Variants in MPHOSPH9 observed in about 807,000 individuals in gnomAD.
MPHOSPH9 encodes M-phase phosphoprotein 9.
In MPHOSPH9, 88 loss-of-function variants were observed where a neutral mutation model predicts 145.5. The observed-to-expected ratio is 0.60, with a 90% CI of 0.51 to 0.72. The LOEUF is 0.72. Ranked by LOEUF, MPHOSPH9 falls within the 30% of genes least tolerant of loss-of-function variation. MPHOSPH9 has a pLI of 0.00. For missense variants in MPHOSPH9, 1,238 were observed against 1,386.6 expected, an observed-to-expected ratio of 0.89 and a Z score of 1.70; for synonymous variants, 435 against 486.2, an observed-to-expected ratio of 0.89 and a Z score of 1.39.
rs921233301 is a variant in MPHOSPH9, at chr12:123,202,631, A to G, written c.1774T>C (p.Leu592=). The G allele has an allele frequency of 1.9e-6, 3 of 1,612,054 alleles. No individual in the cohort carries two copies. The highest frequency in any genetic ancestry group is 2.5e-6 in the Non-Finnish European group (3 of 1,178,428). Reference sequence around the variant, plus strand: ...ATTCACTGAAATACATACTTAGACAATATCACAGGATCTTCCAAGGAAGTC... The same window carrying G: ...ATTCACTGAAATACATACTTAGACAGTATCACAGGATCTTCCAAGGAAGTC... ...SLTSLEDPVI[L]SKIRQNLKEK... is the part of the protein sequence containing the mutation. Residue 592 remains leucine (L), a synonymous_variant, in exon 10 of 24, where the codon TTG becomes CTG. Coordinates refer to ENST00000606320, the MANE Select transcript of MPHOSPH9 (RefSeq NM_022782.4).
rs756670323 is a variant in MPHOSPH9 at position 123,221,774 on chromosome 12, GA to G, written c.469del (p.Ser157LeufsTer2). 3 of 1,613,164 alleles carry G rather than the reference GA, an allele frequency of 1.9e-6. No individual in the cohort carries two copies. Among genetic ancestry groups the G allele is most frequent in the Admixed American group, 1.7e-5 (1 of 59,800 alleles). ...AGATTCATTTCTCTCACTGCTTAGA[GA>G]AAAAAAACCCATTTGACTTTCCGAA... ...VSSESQMGFF[S>X]LSSERNESVI... is the part of the protein sequence containing the mutation. On this transcript the variant is annotated frameshift_variant, in exon 5 of 24. Transcript: ENST00000606320. LOFTEE classifies it high-confidence loss of function.
At chr12:123,214,494 A>G (rs1369237676) in intron 7 of MPHOSPH9, among the ~76,000 whole-genome samples, 1 of 152,172 alleles carries the variant, frequency 6.6e-6, no homozygotes, top group Non-Finnish European at 1.5e-5. Context: ...CTGTGATCGC[A>G]CCACTGCACC....
intron 11 of MPHOSPH9, among the ~76,000 whole-genome samples, chr12:123,199,666 G>A (rs565811128): frequency 6.6e-5 from 10 of 151,966 alleles, no homozygotes; most frequent in African/African-American, 2.2e-4. Flanking sequence ...GGTGGCGGGC[G>A]CCTGTAGTCC....
Position 123,214,747 on chromosome 12 carries a change from T to C in MPHOSPH9, c.1084A>G (p.Thr362Ala). The C allele has an allele frequency of 1.9e-6, 3 of 1,607,502 alleles. No homozygotes were observed. The highest frequency in any genetic ancestry group is 2.6e-6 in the Non-Finnish European group (3 of 1,174,054). ...AATAAAAATGTAAGTATCATACCTG[T>C]TCCTGAATCAGACATCCAAGCATTT... The part of the protein sequence containing the change: ...TPNAWMSDSG[T>A]GLTYWKLEEK... Residue 362 changes from threonine to alanine, a missense_variant, in exon 7 of 24, where the codon ACA becomes GCA. This residue lies in a region of MPHOSPH9 where 837 missense variants were observed against 897.5 expected (regional missense o/e 0.93). Transcript: ENST00000606320.
intron 3 of MPHOSPH9, among the ~76,000 whole-genome samples, chr12:123,223,382 A>T (rs1225708947): frequency 6.6e-6 from 1 of 152,122 alleles, no homozygotes; most frequent in African/African-American, 2.4e-5. Context: ...CAACATCAGG[A>T]AGTGGCTATG....
intron 10 of MPHOSPH9, 27 bp downstream of exon 10, chr12:123,202,597 T>A (rs2046268598): frequency 6.4e-7 from 1 of 1,573,734 alleles, no homozygotes; most frequent in Non-Finnish European, 8.7e-7. Flanking sequence ...TCTATTAACA[T>A]TACAAGCCAT....
intron 23 of MPHOSPH9, 197 bp downstream of exon 23, chr12:123,160,584 C>T (rs1303851280): frequency 1.9e-6 from 1 of 533,556 alleles, no homozygotes; most frequent in East Asian, 3.0e-5. Flanking sequence ...AAGGTAAAAT[C>T]AATTTTTATT....
chr12:123,163,954 A>G lies in MPHOSPH9; in HGVS notation c.2904T>C (p.Thr968=). Reference sequence around the variant, plus strand: ...ATGTACACATCTAACTCTTACTTGGAGTACTTGATTTACGATTTGAAGGTG... The same window carrying G: ...ATGTACACATCTAACTCTTACTTGGGGTACTTGATTTACGATTTGAAGGTG... ...SLPPSNRKSS[T]PTKREIMLTP... The change falls in exon 19 of 24, where the codon ACT becomes ACC. Residue 968 remains threonine (T), a synonymous_variant. Transcript: ENST00000606320. The G allele has an allele frequency of 6.2e-7, 1 of 1,614,108 alleles. No homozygotes were observed. The highest frequency in any genetic ancestry group is 1.3e-5 in the African/African-American group (1 of 75,044).
At chr12:123,165,519 T>C (rs774267452) in intron 17 of MPHOSPH9, 42 bp from the exon 18 acceptor site, 8 of 1,550,848 alleles carry the variant, frequency 5.2e-6, no homozygotes, top group East Asian at 4.5e-5. Flanking sequence ...ATGGACTAAA[T>C]GTCTGTATCT....
chr12:123,196,186 C>A (rs2045936359), intron 12 of MPHOSPH9, among the ~76,000 whole-genome samples: 2 of 152,094 alleles, frequency 1.3e-5, no homozygotes, highest in Admixed American at 6.6e-5. Context: ...CCCATCTCTA[C>A]TAAAAATACA....
chr12:123,177,620 C>T (rs937730437), intron 15 of MPHOSPH9, among the ~76,000 whole-genome samples: 2 of 152,026 alleles, frequency 1.3e-5, no homozygotes, highest in African/African-American at 4.8e-5. Context: ...TACAAAGGAA[C>T]ATTTCCCATA....
At chr12:123,183,308 G>T (rs1288028382) in intron 13 of MPHOSPH9, among the ~76,000 whole-genome samples, 3 of 151,906 alleles carry the variant, frequency 2.0e-5, no homozygotes, top group Non-Finnish European at 2.9e-5. Context: ...AGCACTTTGG[G>T]AGGCCGAGGC....
rs2043844283 is a variant in MPHOSPH9 at position 123,155,609 on chromosome 12, T to G, written c.*1198A>C. ...TCAACATGTACCGAGCTGGAATATG[T>G]GGGGCACTGCGTTCTGATTGGCTAC... is the stretch of plus-strand genomic sequence containing the variant. On this transcript the variant is annotated 3_prime_UTR_variant, in exon 24 of 24. Coordinates refer to ENST00000606320, the MANE Select transcript of MPHOSPH9 (RefSeq NM_022782.4). The G allele has an allele frequency of 6.6e-6, 1 of 152,220 alleles. No homozygotes were observed. The highest frequency in any genetic ancestry group is 2.4e-5 in the African/African-American group (1 of 41,444). The allele number at this position is 152,220 out of a possible 1,614,324, so 9.4% of individuals were successfully genotyped here. A position where few individuals can be genotyped will look rare whatever the true frequency, so the allele number is the denominator to read the frequency against.
chr12:123,219,906 G>A (rs1211643676), intron 5 of MPHOSPH9, among the ~76,000 whole-genome samples: 1 of 152,074 alleles, frequency 6.6e-6, no homozygotes, highest in East Asian at 1.9e-4. Flanking sequence ...ATTCAGGCTG[G>A]GTGCAGTGGT....
At chr12:123,152,387 G>C (rs1016580261), downstream of MPHOSPH9, 10 of 340,040 alleles carry the variant, frequency 2.9e-5, no homozygotes, top group Non-Finnish European at 4.7e-5. Flanking sequence ...CCCTGCTCCC[G>C]CGGAGCTTAC....
At chr12:123,196,230 A>G (rs2045938734) in intron 12 of MPHOSPH9, among the ~76,000 whole-genome samples, 1 of 151,952 alleles carries the variant, frequency 6.6e-6, no homozygotes, top group African/African-American at 2.4e-5. Flanking sequence ...GGCACCTGTA[A>G]TCCCAGCTAT....
chr12:123,199,633 A>C lies in MPHOSPH9; in HGVS notation c.1938-1299T>G, dbSNP rs147510205. On this transcript the variant is annotated intron_variant, in intron 11 of 23. Coordinates refer to ENST00000606320, the MANE Select transcript of MPHOSPH9 (RefSeq NM_022782.4). ...TACGGTGAAACCCCGTCTCTACTAA[A>C]ATACAAAAAATTAGCCGGGCATGGT... Among the ~76,000 whole-genome samples, 911 of 152,054 alleles carry C rather than the reference A, an allele frequency of 6.0e-3. 8 individuals are homozygous for C. Among genetic ancestry groups the C allele is most frequent in the African/African-American group, 0.021 (857 of 41,498 alleles).
At chr12:123,179,111 C>T (rs947926971) in intron 15 of MPHOSPH9, among the ~76,000 whole-genome samples, 2 of 152,170 alleles carry the variant, frequency 1.3e-5, no homozygotes, top group Admixed American at 1.3e-4. Context: ...GCACAACCAT[C>T]AGTACATTTT....
chr12:123,197,391 C>T (rs569477975), intron 12 of MPHOSPH9, among the ~76,000 whole-genome samples: 24 of 151,910 alleles, frequency 1.6e-4, no homozygotes, highest in African/African-American at 5.1e-4. Flanking sequence ...AGGCTGGTCT[C>T]GAACTCCTGG....
Sources: allele counts gnomAD v4.1 joint callset (sites outside exome capture counted in the v4.1 genomes callset), GRCh38; gene constraint gnomAD v4.1.1; regional missense constraint gnomAD v4.1.1; transcripts MANE v1.5; gene names NCBI Gene and HGNC (gene_info 2026-07-23, HGNC 2026-07-21).